The following GATA3 variants were observed in gnomAD, a reference collection of about 807,000 sequenced individuals.
GATA3 encodes the protein GATA binding protein 3.
A neutral mutation model predicts 36.0 loss-of-function variants in GATA3; 6 were observed. That is an observed-to-expected ratio of 0.17 (90% CI 0.09 to 0.33). The LOEUF (loss-of-function observed/expected upper bound fraction) is 0.33, where lower values mean the gene tolerates loss of function less well. Ranked by LOEUF, GATA3 falls within the 10% of genes least tolerant of loss-of-function variation. The pLI is 1.00. For missense variants in GATA3, 514 were observed against 610.1 expected, an observed-to-expected ratio of 0.84 and a Z score of 1.66; for synonymous variants, 326 against 273.0, an observed-to-expected ratio of 1.19 and a Z score of -1.92.
At chr10:8,056,307 G>A (rs1832637721) in intron 2 of GATA3, among the ~76,000 whole-genome samples, 1 of 152,212 alleles carries the variant, frequency 6.6e-6, no homozygotes, top group South Asian at 2.1e-4. Flanking sequence ...CTGGAACCCG[G>A]CTCTTCCAAA....
chr10:8,060,620 C>T (rs915917508), intron 3 of GATA3, among the ~76,000 whole-genome samples: 7 of 151,184 alleles, frequency 4.6e-5, no homozygotes, highest in East Asian at 1.9e-4. Context: ...GTGGTTTGTG[C>T]GGGGGGAGGG....
upstream of GATA3, chr10:8,053,343 C>A (rs1319772868): frequency 6.6e-6 from 1 of 152,284 alleles, no homozygotes; most frequent in East Asian, 1.9e-4. This position sits in a 1 kb window ranked among gnomAD's most constrained non-coding sequence, Gnocchi z 5.1. Context: ...CCCACTCCCT[C>A]TCCTGGCAGC....
In GATA3 at chr10:8,058,561, G is replaced by C. The variant is rs751408695; in HGVS notation, c.498G>C (p.Ser166=). ...CGAAGGACGTCTCCCCGGACCCATC[G>C]CTGTCCACCCCAGGCTCGGCCGGCT... ...TPPKDVSPDP[S]LSTPGSAGSA... Residue 166 remains serine (S), a synonymous_variant, in exon 3 of 6, where the codon TCG becomes TCC. Coordinates refer to ENST00000379328, the MANE Select transcript of GATA3 (RefSeq NM_001002295.2). 1 of 1,611,882 alleles carries C rather than the reference G, an allele frequency of 6.2e-7. No individual in the cohort carries two copies.
At chr10:8,050,680 G>A (rs1456636550), upstream of GATA3, 1 of 228,258 alleles carries the variant, frequency 4.4e-6, no homozygotes, top group East Asian at 1.7e-4. Flanking sequence ...GGGCTCCGGG[G>A]GGAGGGACTC....
chr10:8,054,343 G>A (rs951858856), upstream of GATA3, among the ~76,000 whole-genome samples: 7 of 152,170 alleles, frequency 4.6e-5, no homozygotes, highest in African/African-American at 1.7e-4. This position sits in a 1 kb window ranked among gnomAD's most constrained non-coding sequence, Gnocchi z 4.2. Context: ...GCACCGGGAC[G>A]GAATCGTCCA....
chr10:8,071,771 A>G (rs867022205), intron 5 of GATA3, among the ~76,000 whole-genome samples: 11 of 152,336 alleles, frequency 7.2e-5, no homozygotes, highest in Middle Eastern at 6.8e-3. Flanking sequence ...CTGCCCTTCC[A>G]GACATCTCTA....
upstream of GATA3, chr10:8,051,048 G>A (rs749257675): frequency 9.5e-6 from 5 of 525,692 alleles, no homozygotes; most frequent in Non-Finnish European, 1.9e-5. Context: ...CCCTAGGGCT[G>A]AGCCCCAGAA....
rs767609253 is a variant in GATA3, at chr10:8,055,868, G to C, written c.213G>C (p.Thr71=). 1.2e-5 allele frequency: 19 copies of C among 1,569,016 alleles called. No homozygotes were observed. The highest frequency in any genetic ancestry group is 1.9e-5 in the Admixed American group (1 of 53,964). Residue 71 remains threonine, a synonymous_variant, in exon 2 of 6, where the codon ACG becomes ACC. Transcript: ENST00000379328. The surrounding 1 kb of genome is among the most constrained non-coding windows in gnomAD (Gnocchi z 5.4). ...PPYYGNSVRA[T]VQRYPPTHHG... ...ACTACGGAAACTCGGTCAGGGCCAC[G>C]GTGCAGAGGTACCCTCCGACCCACC...
At chr10:8,066,263 C>A (rs1832840453) in intron 4 of GATA3, among the ~76,000 whole-genome samples, 1 of 152,086 alleles carries the variant, frequency 6.6e-6, no homozygotes, top group Non-Finnish European at 1.5e-5. Context: ...CATAGGAAAT[C>A]TCTAGAACTC....
chr10:8,058,204 G>A, intron 2 of GATA3, 101 bp from the exon 3 acceptor site: 1 of 1,334,592 alleles, frequency 7.5e-7, no homozygotes. Context: ...TGCTGAAAAG[G>A]AGGCCGATGC....
At chr10:8,069,378 CTTCCT>C in intron 4 of GATA3, 90 bp from the exon 5 acceptor site, 1 of 1,243,366 alleles carries the variant, frequency 8.0e-7, no homozygotes, top group African/African-American at 1.5e-5. Flanking sequence ...TAATTTCTTC[CTTCCT>C]TTTTTTTTTT....
chr10:8,067,746 A>G (rs998292436), intron 4 of GATA3, among the ~76,000 whole-genome samples: 1 of 152,244 alleles, frequency 6.6e-6, no homozygotes, highest in Non-Finnish European at 1.5e-5. Context: ...TGAACCCAGG[A>G]GGCGGAGCTT....
In GATA3 at chr10:8,058,436, G is replaced by C. The variant is rs535492085; in HGVS notation, c.373G>C (p.Gly125Arg). The C allele has an allele frequency of 1.2e-6, 2 of 1,612,824 alleles. No individual in the cohort carries two copies. The highest frequency in any genetic ancestry group is 4.5e-5 in the East Asian group (2 of 44,854). The change falls in exon 3 of 6, where the codon GGC becomes CGC. Residue 125 changes from glycine (G) to arginine (R), a missense_variant. By Grantham distance (125) the Gly-to-Arg change is moderately radical (BLOSUM62 -2). This residue lies in a region of GATA3 where 381 missense variants were observed against 354.3 expected (regional missense o/e 1.08). Transcript: ENST00000379328. ...SPFSKTSIHH[G>R]SPGPLSVYPP... Reference sequence around the variant, plus strand: ...CTTCTCCAAGACGTCCATCCACCACGGCTCCCCGGGGCCCCTCTCCGTCTA... The same window carrying C: ...CTTCTCCAAGACGTCCATCCACCACCGCTCCCCGGGGCCCCTCTCCGTCTA...
At chr10:8,053,555 C>T (rs994971196), upstream of GATA3, 3 of 152,194 alleles carry the variant, frequency 2.0e-5, no homozygotes, top group African/African-American at 7.2e-5. The surrounding 1 kb of genome is among the most constrained non-coding windows in gnomAD (Gnocchi z 5.1). Context: ...GCCTCGCCCG[C>T]TGATTGGTCC....
intron 4 of GATA3, among the ~76,000 whole-genome samples, chr10:8,066,077 G>GGT (rs146090423): frequency 3.4e-5 from 5 of 149,140 alleles, no homozygotes; most frequent in Non-Finnish European, 7.4e-5. Flanking sequence ...TGTTTTTTCT[G>GGT]TTTTTTTTCT....
At chr10:8,062,017 C>T (rs374641) in intron 3 of GATA3, among the ~76,000 whole-genome samples, 94,286 of 151,810 alleles carry the variant, frequency 0.62, 29,265 homozygotes, top group South Asian at 0.68. Context: ...ACCCAGCAGC[C>T]ACCAGCGACA....
chr10:8,070,572 G>A (rs549295411), intron 5 of GATA3, among the ~76,000 whole-genome samples: 1 of 152,126 alleles, frequency 6.6e-6, no homozygotes, highest in African/African-American at 2.4e-5. Context: ...GCAAAGTCCG[G>A]GGCTGAACAG....
chr10:8,053,837 GTTCT>G (rs199665421), upstream of GATA3: 3,149 of 152,338 alleles, frequency 0.021, 42 homozygotes, highest in South Asian at 0.041. This position sits in a 1 kb window ranked among gnomAD's most constrained non-coding sequence, Gnocchi z 5.1. Context: ...TGAAGACCGA[GTTCT>G]TTCTGTCCGT....
chr10:8,046,872 C>G (rs781678715), intron 1 of GATA3, among the ~76,000 whole-genome samples: 1 of 152,048 alleles, frequency 6.6e-6, no homozygotes, highest in Non-Finnish European at 1.5e-5. Context: ...GCTTGCAGCT[C>G]CCAGCCAGCT....
Sources: gnomAD v4.1 joint callset for allele counts (sites outside exome capture counted in the v4.1 genomes callset) on GRCh38, gnomAD v4.1.1 for gene constraint, gnomAD v4.1.1 regional missense constraint, Gnocchi (gnomAD v3.1) non-coding constraint, MANE v1.5 for transcripts, NCBI Gene and HGNC (gene_info 2026-07-23, HGNC 2026-07-21) for gene names.